Variants in UTRN observed in about 807,000 individuals in gnomAD.
UTRN encodes dystrophin-related protein 1.
Under a neutral mutation model 463.9 loss-of-function variants are expected in UTRN, and 283 were observed. That is an observed-to-expected ratio of 0.61 (90% CI 0.55 to 0.67). The LOEUF is 0.67. Ranked by LOEUF, UTRN falls within the 30% of genes least tolerant of loss-of-function variation. The pLI, the probability that UTRN is intolerant of heterozygous loss-of-function variation, is 0.00. For missense variants in UTRN, 3,922 were observed against 4,084.3 expected, an observed-to-expected ratio of 0.96 and a Z score of 1.08; for synonymous variants, 1,442 against 1,431.5, an observed-to-expected ratio of 1.01 and a Z score of -0.17.
At chr6:144,550,147 G>A (rs1798772123) in intron 47 of UTRN, among the ~76,000 whole-genome samples, 1 of 152,166 alleles carries the variant, frequency 6.6e-6, no homozygotes, top group African/African-American at 2.4e-5. Flanking sequence ...TTTCAGACGT[G>A]TTGTGGTGGG....
At chr6:144,514,318 T>C (rs1352734592) in intron 36 of UTRN, among the ~76,000 whole-genome samples, 3 of 152,240 alleles carry the variant, frequency 2.0e-5, no homozygotes, top group Non-Finnish European at 4.4e-5. Flanking sequence ...GTATTCTCCA[T>C]TGAGTGCTGC....
chr6:144,605,650 G>A (rs537231841), intron 51 of UTRN, among the ~76,000 whole-genome samples: 1 of 149,410 alleles, frequency 6.7e-6, no homozygotes, highest in Non-Finnish European at 1.5e-5. Flanking sequence ...GCTAATCTCA[G>A]AATCTGTTAA....
chr6:144,447,257 A>C lies in UTRN; in HGVS notation c.1661A>C (p.Lys554Thr), dbSNP rs779699845. ...WLTEKEEALN[K>T]VQTSNFKDQK... Reference sequence around the variant, plus strand: ...ACCGAAAAAGAAGAGGCTTTAAATAAAGTCCAGACAAGCAACTTCAAAGAC... The same window carrying C: ...ACCGAAAAAGAAGAGGCTTTAAATACAGTCCAGACAAGCAACTTCAAAGAC... The change falls in exon 15 of 75, where the codon AAA (lysine) becomes ACA (threonine). Residue 554 changes from lysine to threonine, a missense_variant. Lys to Thr is a moderately conservative substitution (Grantham distance 78). Coordinates refer to ENST00000367545, the MANE Select transcript of UTRN (RefSeq NM_007124.3). 6.2e-7 allele frequency: 1 copy of C among 1,614,024 alleles called. No individual in the cohort carries two copies. The highest frequency in any genetic ancestry group is 8.5e-7 in the Non-Finnish European group (1 of 1,179,920).
chr6:144,503,122 T>A (rs1794359958), intron 34 of UTRN, among the ~76,000 whole-genome samples: 1 of 152,212 alleles, frequency 6.6e-6, no homozygotes, highest in South Asian at 2.1e-4. Context: ...TGTAAATTTG[T>A]TGAATTTCCT....
At chr6:144,501,743 G>C (rs1398104957) in intron 34 of UTRN, among the ~76,000 whole-genome samples, 1 of 151,940 alleles carries the variant, frequency 6.6e-6, no homozygotes, top group Non-Finnish European at 1.5e-5. Flanking sequence ...ATTATTTCCT[G>C]AGGATAAATT....
intron 64 of UTRN, among the ~76,000 whole-genome samples, chr6:144,801,688 TA>T (rs1777712825): frequency 6.6e-6 from 1 of 152,208 alleles, no homozygotes; most frequent in East Asian, 1.9e-4. Flanking sequence ...TCCTTAATAG[TA>T]GTTGCATAAA....
chr6:144,682,683 A>G (rs1252842273), intron 52 of UTRN, among the ~76,000 whole-genome samples: 2 of 152,204 alleles, frequency 1.3e-5, no homozygotes, highest in Non-Finnish European at 2.9e-5. Flanking sequence ...ATTTTTAACT[A>G]GATTAGGTAA....
chr6:144,345,394 G>T (rs1777480325), intron 2 of UTRN, among the ~76,000 whole-genome samples: 1 of 152,124 alleles, frequency 6.6e-6, no homozygotes, highest in Non-Finnish European at 1.5e-5. Context: ...CTCCACGCGG[G>T]CCAGGCACAA....
chr6:144,552,468 G>C (rs1245936137), intron 48 of UTRN, among the ~76,000 whole-genome samples: 1 of 152,094 alleles, frequency 6.6e-6, no homozygotes, highest in Admixed American at 6.5e-5. Context: ...CTATCATCTT[G>C]ATGTTTTCTT....
intron 53 of UTRN, among the ~76,000 whole-genome samples, chr6:144,713,448 A>C (rs1208693557): frequency 6.7e-6 from 1 of 149,974 alleles, no homozygotes; most frequent in East Asian, 2.0e-4. Context: ...TCTACTAAAA[A>C]AAAAAAATCA....
Position 144,348,793 on chromosome 6 carries a change from G to C in UTRN, c.80-54330G>C, listed in dbSNP as rs1286943076. Among the ~76,000 whole-genome samples, 13 of 152,218 alleles carry C rather than the reference G, an allele frequency of 8.5e-5. No individual in the cohort carries two copies. The East Asian group carries it at 1.7e-3, about 20-fold the overall frequency. On this transcript the variant is annotated intron_variant, in intron 2 of 74. Transcript: ENST00000367545. Reference sequence around the variant, plus strand: ...CTATTAAAAATACAAAATGAGCCGGGCCTAGTGGCGCATGCCTGTAAACCC... The same window carrying C: ...CTATTAAAAATACAAAATGAGCCGGCCCTAGTGGCGCATGCCTGTAAACCC...
chr6:144,789,168 A>G, intron 61 of UTRN, 26 bp from the exon 62 acceptor site: 2 of 1,582,866 alleles, frequency 1.3e-6, no homozygotes, highest in Non-Finnish European at 1.7e-6. Flanking sequence ...AATGCATCTA[A>G]CACATTAACA....
intron 53 of UTRN, among the ~76,000 whole-genome samples, chr6:144,720,265 T>C (rs1442411056): frequency 1.3e-5 from 2 of 152,260 alleles, no homozygotes; most frequent in East Asian, 3.8e-4. Context: ...TTATACCGTC[T>C]TATCTTTTAA....
At chr6:144,685,730 A>T (rs9767429) in intron 52 of UTRN, among the ~76,000 whole-genome samples, 2,817 of 152,154 alleles carry the variant, frequency 0.019, 83 homozygotes, top group African/African-American at 0.064. Flanking sequence ...TGTTCTTGCT[A>T]ATTTGAGTTC....
intron 59 of UTRN, among the ~76,000 whole-genome samples, chr6:144,773,026 A>G (rs79285535): frequency 0.034 from 5,214 of 152,114 alleles, 127 homozygotes; most frequent in East Asian, 0.049. Context: ...TGGACAAACA[A>G]AAGACATAGA....
At chr6:144,599,453 T>C (rs773696621) in intron 51 of UTRN, among the ~76,000 whole-genome samples, 1 of 152,190 alleles carries the variant, frequency 6.6e-6, no homozygotes, top group Admixed American at 6.5e-5. Flanking sequence ...ATGTCAACTA[T>C]GCTGAAACTT....
intron 40 of UTRN, among the ~76,000 whole-genome samples, chr6:144,522,545 G>A (rs1339388020): frequency 2.0e-5 from 3 of 152,098 alleles, no homozygotes; most frequent in Non-Finnish European, 4.4e-5. Context: ...GTATGGAATG[G>A]CATCTTGATT....
intron 25 of UTRN, among the ~76,000 whole-genome samples, chr6:144,478,523 C>T (rs186518529): frequency 4.1e-4 from 63 of 152,312 alleles, no homozygotes; most frequent in African/African-American, 1.4e-3. Flanking sequence ...GTGTTGCTGG[C>T]ATCAGCTCCT....
intron 52 of UTRN, among the ~76,000 whole-genome samples, chr6:144,690,095 T>TTGTG (rs1554339292): frequency 3.5e-3 from 117 of 33,348 alleles, no homozygotes; most frequent in South Asian, 0.013. Context: ...TTTTTTTTTT[T>TTGTG]TGTGTGTGTG....
Sources: allele counts gnomAD v4.1 joint callset (sites outside exome capture counted in the v4.1 genomes callset), GRCh38; gene constraint gnomAD v4.1.1; transcripts MANE v1.5; gene names NCBI Gene and HGNC (gene_info 2026-07-23, HGNC 2026-07-21).